Variants in PEMT observed in about 807,000 individuals in gnomAD.
PEMT encodes phospholipid methyltransferase.
Under a neutral mutation model 27.4 loss-of-function variants are expected in PEMT, and 23 were observed. The ratio of observed to expected loss-of-function variants is 0.84; its 90% CI spans 0.60 to 1.19. The LOEUF (loss-of-function observed/expected upper bound fraction) is 1.19, where lower values mean the gene tolerates loss of function less well. PEMT is among the 50% of genes most tolerant of loss of function. The pLI is 0.00. For synonymous variants in PEMT, 137 were observed against 139.1 expected (o/e 0.98, Z 0.11); for missense variants, 307 against 310.1 (o/e 0.99, Z 0.07).
intron 3 of PEMT, among the ~76,000 whole-genome samples, chr17:17,515,184 C>G (rs1352032544): frequency 6.6e-6 from 1 of 152,178 alleles, no homozygotes; most frequent in Non-Finnish European, 1.5e-5. Context: ...ATACCCCATG[C>G]TCAGGGTTCC....
At chr17:17,547,051 G>A (rs540604692) in intron 2 of PEMT, among the ~76,000 whole-genome samples, 80 of 152,358 alleles carry the variant, frequency 5.3e-4, no homozygotes, top group African/African-American at 1.7e-3. Context: ...GCGTGCTCTC[G>A]AGCCACATGC....
intron 1 of PEMT, among the ~76,000 whole-genome samples, chr17:17,584,313 C>G (rs894121344): frequency 2.0e-5 from 3 of 152,206 alleles, no homozygotes; most frequent in African/African-American, 7.2e-5. Context: ...GCGCCCGCCA[C>G]CATGCCCAGC....
At chr17:17,583,377 A>C (rs1912078939) in intron 1 of PEMT, among the ~76,000 whole-genome samples, 1 of 152,264 alleles carries the variant, frequency 6.6e-6, no homozygotes. Flanking sequence ...ACTTCATCTC[A>C]AAAAATAAAA....
intron 2 of PEMT, among the ~76,000 whole-genome samples, chr17:17,543,233 C>A (rs190105962): frequency 6.6e-6 from 1 of 152,256 alleles, no homozygotes; most frequent in African/African-American, 2.4e-5. Flanking sequence ...ACTGCCAGGG[C>A]GTTCTTCCCA....
chr17:17,539,186 G>A (rs144534605), intron 2 of PEMT, among the ~76,000 whole-genome samples: 1 of 152,258 alleles, frequency 6.6e-6, no homozygotes, highest in African/African-American at 2.4e-5. Flanking sequence ...TCGCTATGTT[G>A]CCCAGGCTGG....
At chr17:17,568,728 A>G (rs1016575312) in intron 2 of PEMT, among the ~76,000 whole-genome samples, 3 of 152,200 alleles carry the variant, frequency 2.0e-5, no homozygotes, top group African/African-American at 7.2e-5. Flanking sequence ...AAACTGAGGC[A>G]GCAGCAGCAG....
intron 2 of PEMT, among the ~76,000 whole-genome samples, chr17:17,569,226 C>T (rs1046722485): frequency 4.6e-5 from 7 of 152,212 alleles, no homozygotes; most frequent in Admixed American, 6.5e-5. Flanking sequence ...GGGCCAAGGG[C>T]TGGGGCTTTG....
intron 2 of PEMT, among the ~76,000 whole-genome samples, chr17:17,544,772 G>A (rs1183398765): frequency 6.6e-6 from 1 of 152,158 alleles, no homozygotes; most frequent in Non-Finnish European, 1.5e-5. Context: ...TTCCCAACCA[G>A]CAGACACGGG....
intron 3 of PEMT, chr17:17,518,084 G>A (rs1303182495): frequency 5.1e-6 from 5 of 985,532 alleles, no homozygotes; most frequent in Non-Finnish European, 6.0e-6. Context: ...TCTCCCCTCA[G>A]AAGACCCAGA....
chr17:17,551,971 G>A (rs533826476), intron 2 of PEMT, among the ~76,000 whole-genome samples: 2 of 152,338 alleles, frequency 1.3e-5, no homozygotes, highest in East Asian at 3.9e-4. Flanking sequence ...GGGAGGCCGA[G>A]GCGGGCAGAT....
At chr17:17,536,995 G>A (rs570773338) in intron 2 of PEMT, among the ~76,000 whole-genome samples, 2 of 152,334 alleles carry the variant, frequency 1.3e-5, no homozygotes, top group East Asian at 1.9e-4. Flanking sequence ...CAGGTAAGAC[G>A]GCCTCAGCTG....
chr17:17,565,650 A>G (rs2142709090), intron 2 of PEMT, among the ~76,000 whole-genome samples: 1 of 152,376 alleles, frequency 6.6e-6, no homozygotes, highest in Non-Finnish European at 1.5e-5. Flanking sequence ...ACCAGCTGCC[A>G]CTGTGTGGCC....
chr17:17,578,624 T>C (rs1047119286), intron 1 of PEMT: 5 of 151,694 alleles, frequency 3.3e-5, no homozygotes, highest in Non-Finnish European at 5.9e-5. Flanking sequence ...AAAATAAGTG[T>C]AAAGTTGTGC....
At chr17:17,591,950 C>G (rs1375761898), upstream of PEMT, 3 of 985,340 alleles carry the variant, frequency 3.0e-6, no homozygotes, top group East Asian at 1.1e-4. Flanking sequence ...GCTGCCGCAC[C>G]CGAGCCTGTA....
chr17:17,506,931 A>G, intron 5 of PEMT: 3 of 540,412 alleles, frequency 5.6e-6, no homozygotes, highest in Non-Finnish European at 9.9e-6. Flanking sequence ...CCCCACGCCC[A>G]GGAGCCCCCG....
intron 1 of PEMT, among the ~76,000 whole-genome samples, chr17:17,586,942 G>A (rs1043593499): frequency 6.6e-6 from 1 of 152,162 alleles, no homozygotes; most frequent in Non-Finnish European, 1.5e-5. Context: ...GACGGAGGTT[G>A]CAGTGAGCCG....
intron 2 of PEMT, among the ~76,000 whole-genome samples, chr17:17,568,290 C>T (rs531053318): frequency 6.6e-6 from 1 of 152,354 alleles, no homozygotes; most frequent in East Asian, 1.9e-4. Context: ...TCCTCCAGCC[C>T]CCACGACCCT....
intron 3 of PEMT, among the ~76,000 whole-genome samples, chr17:17,520,023 A>C (rs1907147018): frequency 6.6e-6 from 1 of 152,104 alleles, no homozygotes; most frequent in African/African-American, 2.4e-5. Context: ...GAGTGGTGGA[A>C]CAGCTCAGCG....
At chr17:17,548,225 G>A (rs1005880263) in intron 2 of PEMT, among the ~76,000 whole-genome samples, 19 of 152,264 alleles carry the variant, frequency 1.2e-4, no homozygotes, top group Non-Finnish European at 2.4e-4. Context: ...AGCCCTGCTG[G>A]CGTCCAGCCT....
Sources: allele counts gnomAD v4.1 joint callset (sites outside exome capture counted in the v4.1 genomes callset), GRCh38; gene constraint gnomAD v4.1.1; transcripts MANE v1.5; gene names NCBI Gene and HGNC (gene_info 2026-07-23, HGNC 2026-07-21).